ZNF831: variants seen among roughly 807,000 people sequenced by gnomAD.
ZNF831 encodes zinc finger protein 831.
Under a neutral mutation model 95.8 loss-of-function variants are expected in ZNF831, and 59 were observed. The observed-to-expected ratio is 0.62, with a 90% CI of 0.50 to 0.77. ZNF831 has a LOEUF of 0.77. Ranked by LOEUF, ZNF831 falls within the 30% of genes least tolerant of loss-of-function variation. The probability of loss-of-function intolerance (pLI) is 0.00; values close to 1 mark genes in which losing one functional copy is unlikely to be tolerated. For synonymous variants in ZNF831, 961 were observed against 925.5 expected (o/e 1.04, Z -0.70); for missense variants, 2,205 against 2,164.0 (o/e 1.02, Z -0.38).
At position 59,254,331 on chromosome 20, in the gene ZNF831, C is replaced by A. The variant is rs1168817786; in HGVS notation, c.4622C>A (p.Thr1541Asn). Reference sequence around the variant, plus strand: ...GTCACAGAAGAGGGCAGAGCACAGACCCTCTTGCCAGGGAGACCTTCATCT... The same window carrying A: ...GTCACAGAAGAGGGCAGAGCACAGAACCTCTTGCCAGGGAGACCTTCATCT... ...SKVTEEGRAQTLLPGRPSSGQ... is the reference protein window; with the variant it reads ...SKVTEEGRAQNLLPGRPSSGQ... The change falls in exon 6 of 6, where the codon ACC becomes AAC. Residue 1541 changes from threonine to asparagine, a missense_variant. By Grantham distance (65) the Thr-to-Asn change is moderately conservative (BLOSUM62 0). Coordinates refer to ENST00000371030, the MANE Select transcript of ZNF831 (RefSeq NM_178457.3). This position sits in a 1 kb window ranked among gnomAD's most constrained non-coding sequence, Gnocchi z 4.5. The A allele has an allele frequency of 2.5e-6, 4 of 1,614,062 alleles. No individual in the cohort carries two copies. Among genetic ancestry groups the A allele is most frequent in the Non-Finnish European group, 3.4e-6 (4 of 1,180,014 alleles).
Position 59,169,359 on chromosome 20 carries a change from T to A in ZNF831, c.-37+5152T>A, listed in dbSNP as rs1981544700. On this transcript the variant is annotated intron_variant, in intron 1 of 5. Transcript: ENST00000371030. This position sits in a 1 kb window ranked among gnomAD's most constrained non-coding sequence, Gnocchi z 4.1. ...AGCTGAGTTATTTACGGTATTCCCT[T>A]AAGGTCATTTTAATGTCTGCAGGGT... Among the ~76,000 whole-genome samples the A allele has an allele frequency of 6.6e-6, 1 of 152,226 alleles. No individual in the cohort carries two copies. The highest frequency in any genetic ancestry group is 1.5e-5 in the Non-Finnish European group (1 of 68,044).
chr20:59,247,155 T>C (rs889886435), intron 4 of ZNF831, among the ~76,000 whole-genome samples: 1 of 152,186 alleles, frequency 6.6e-6, no homozygotes, highest in Admixed American at 6.5e-5. Context: ...ATTACATGTA[T>C]AGATGATTCA....
At chr20:59,126,036 T>C (rs926308593) in intron 1 of ZNF831, among the ~76,000 whole-genome samples, 2 of 152,170 alleles carry the variant, frequency 1.3e-5, no homozygotes, top group African/African-American at 4.8e-5. Context: ...CAAAGAGTTA[T>C]TGAGTGTCCC....
At chr20:59,202,115 A>T (rs954836335) in intron 3 of ZNF831, among the ~76,000 whole-genome samples, 1 of 152,026 alleles carries the variant, frequency 6.6e-6, no homozygotes, top group African/African-American at 2.4e-5. Flanking sequence ...TGGGATGGTA[A>T]ATCTGGTTAC....
upstream of ZNF831, chr20:59,159,857 G>A (rs78412528): frequency 0.11 from 16,667 of 152,366 alleles, 947 homozygotes; most frequent in Non-Finnish European, 0.12. Context: ...TTGGAATATA[G>A]ACTGTGCTTT....
chr20:59,222,209 C>T (rs1473201402), intron 4 of ZNF831, among the ~76,000 whole-genome samples: 1 of 152,254 alleles, frequency 6.6e-6, no homozygotes, highest in Non-Finnish European at 1.5e-5. Context: ...CCCCGAACCC[C>T]ACTCGCCCCA....
chr20:59,133,028 G>A (rs934774417), intron 1 of ZNF831, among the ~76,000 whole-genome samples: 35 of 141,532 alleles, frequency 2.5e-4, no homozygotes, highest in African/African-American at 9.0e-4. Flanking sequence ...CATGACGTCC[G>A]TAGGATCACT....
chr20:59,126,689 C>T (rs752662846), intron 1 of ZNF831, among the ~76,000 whole-genome samples: 6 of 152,230 alleles, frequency 3.9e-5, no homozygotes, highest in East Asian at 3.9e-4. Flanking sequence ...CCTGAGGCCA[C>T]GCACTCATAG....
At position 59,214,582 on chromosome 20, in the gene ZNF831, A is replaced by G. The variant is rs80048398; in HGVS notation, c.4027+7526A>G. Among the ~76,000 whole-genome samples the G allele has an allele frequency of 3.1e-3, 474 of 152,124 alleles. 5 individuals carry two copies. The highest frequency in any genetic ancestry group is 0.011 in the African/African-American group (447 of 41,490). On this transcript the variant is annotated intron_variant, in intron 4 of 5. Transcript: ENST00000371030. ...ATGTCTTGAAAATGCTCTTCCCACT[A>G]TTTTCCCAGTTAGAGTCTCACTTAG...
At chr20:59,232,521 T>G (rs986793374) in intron 4 of ZNF831, among the ~76,000 whole-genome samples, 5 of 151,980 alleles carry the variant, frequency 3.3e-5, no homozygotes, top group African/African-American at 9.7e-5. Context: ...ACTGGGCACT[T>G]AGTTAACCCT....
Position 59,254,246 on chromosome 20 carries a change from T to C in ZNF831, c.4537T>C (p.Ser1513Pro), listed in dbSNP as rs259956. 903,251 of 1,613,704 alleles carry C rather than the reference T, an allele frequency of 0.56. 259,919 individuals carry two copies. The highest frequency in any genetic ancestry group is 0.89 in the East Asian group (40,146 of 44,856). Residue 1513 changes from serine (S) to proline (P), a missense_variant, in exon 6 of 6, where the codon TCA (serine) becomes CCA (proline). Ser to Pro is a moderately conservative substitution (Grantham distance 74). Coordinates refer to ENST00000371030, the MANE Select transcript of ZNF831 (RefSeq NM_178457.3). This position sits in a 1 kb window ranked among gnomAD's most constrained non-coding sequence, Gnocchi z 4.5. ...AGCCCAGGAAATTCACAGTGCTGAA[T>C]CACGAGACCACAGCCAGACTGCAGG... ...HIAQEIHSAESRDHSQTAGRT... is the reference protein window; with the variant it reads ...HIAQEIHSAEPRDHSQTAGRT...
intron 3 of ZNF831, among the ~76,000 whole-genome samples, chr20:59,200,083 C>T (rs1024801863): frequency 6.6e-6 from 1 of 152,208 alleles, no homozygotes; most frequent in African/African-American, 2.4e-5. Flanking sequence ...TTAGACTACT[C>T]ATCTGTCTTT....
rs57571629 is a variant in ZNF831, at chr20:59,193,476, C to T, written c.2457C>T (p.Pro819=). ...PSRGSGEDKL[P]SERKKLKVED... is the part of the protein sequence containing the mutation. The stretch of plus-strand genomic sequence containing the variant: ...GGGGCTCAGGGGAGGACAAGCTCCC[C>T]TCAGAGAGGAAGAAGCTGAAAGTGG... The change falls in exon 2 of 6, where the codon CCC becomes CCT. Residue 819 remains proline, a synonymous_variant. Transcript: ENST00000371030. 8,380 of 1,610,120 alleles carry T rather than the reference C, an allele frequency of 5.2e-3. 395 individuals are homozygous for T. In the African/African-American group the frequency reaches 0.099, roughly 19 times the overall value.
chr20:59,243,617 C>T (rs1301070076), intron 4 of ZNF831, among the ~76,000 whole-genome samples: 1 of 152,192 alleles, frequency 6.6e-6, no homozygotes, highest in Non-Finnish European at 1.5e-5. Context: ...CACTCACTCC[C>T]TCCTTGTTTC....
intron 4 of ZNF831, among the ~76,000 whole-genome samples, chr20:59,215,967 G>T (rs1156566517): frequency 6.6e-6 from 1 of 152,166 alleles, no homozygotes; most frequent in Non-Finnish European, 1.5e-5. Flanking sequence ...AAGAGATTTG[G>T]AAGTGTTAGG....
At chr20:59,195,658 C>A in intron 2 of ZNF831, 2 of 559,480 alleles carry the variant, frequency 3.6e-6, no homozygotes, top group Non-Finnish European at 4.5e-6. Flanking sequence ...CTCTGCGGAT[C>A]AAGCCCAGGC....
intron 4 of ZNF831, among the ~76,000 whole-genome samples, chr20:59,209,296 T>C (rs1288239092): frequency 6.6e-6 from 1 of 152,178 alleles, no homozygotes; most frequent in Non-Finnish European, 1.5e-5. Context: ...TGAGTGCCCA[T>C]GAGTGTGCAT....
chr20:59,129,935 A>G (rs139054606), intron 1 of ZNF831, among the ~76,000 whole-genome samples: 4 of 152,324 alleles, frequency 2.6e-5, no homozygotes, highest in African/African-American at 9.6e-5. Context: ...AAGGACATTT[A>G]TACCATTTAT....
intron 1 of ZNF831, among the ~76,000 whole-genome samples, chr20:59,127,348 T>C (rs534805975): frequency 1.3e-5 from 2 of 152,236 alleles, no homozygotes; most frequent in East Asian, 3.9e-4. Flanking sequence ...TGCCAGGTAA[T>C]CCGTGGGATC....
Sources: gnomAD v4.1 joint callset for allele counts (sites outside exome capture counted in the v4.1 genomes callset) on GRCh38, gnomAD v4.1.1 for gene constraint, Gnocchi (gnomAD v3.1) non-coding constraint, MANE v1.5 for transcripts, NCBI Gene and HGNC (gene_info 2026-07-23, HGNC 2026-07-21) for gene names.